The following NCOR2 variants were observed in gnomAD, a reference collection of about 807,000 sequenced individuals.
The protein encoded by NCOR2 is nuclear receptor corepressor 2.
NCOR2 carries 81 observed loss-of-function variants against 262.9 expected under a neutral mutation model. The observed-to-expected ratio is 0.31, with a 90% CI of 0.26 to 0.37. The LOEUF (loss-of-function observed/expected upper bound fraction) is 0.37, where lower values mean the gene tolerates loss of function less well. Among genes scored for constraint, NCOR2 ranks in the 10% least tolerant of loss-of-function variants. The pLI, the probability that NCOR2 is intolerant of heterozygous loss-of-function variation, is 1.00. For synonymous variants in NCOR2, 1,659 were observed against 1,559.3 expected (o/e 1.06, Z -1.51); for missense variants, 3,385 against 3,621.4 (o/e 0.93, Z 1.68).
At chr12:124,464,731 T>C (rs2046336618) in intron 5 of NCOR2, among the ~76,000 whole-genome samples, 1 of 152,160 alleles carries the variant, frequency 6.6e-6, no homozygotes, top group Non-Finnish European at 1.5e-5. Flanking sequence ...CTGTACTAGG[T>C]GATGCCGTCG....
rs1224968883 is a variant in NCOR2 at position 124,373,303 on chromosome 12, G to A, written c.2219-693C>T. Among the ~76,000 whole-genome samples, 3 of 31,014 alleles carry A rather than the reference G, an allele frequency of 9.7e-5. 1 individual carries two copies. The highest frequency in any genetic ancestry group is 3.5e-4 in the East Asian group (1 of 2,884). 20.3% of individuals were successfully genotyped at this position (31,014 alleles called of 152,430 possible). A position where few individuals can be genotyped will look rare whatever the true frequency, so the allele number is the denominator to read the frequency against. On this transcript the variant is annotated intron_variant, in intron 19 of 46. Coordinates refer to ENST00000405201, the Ensembl canonical transcript of NCOR2. ...GAGGCCAGTGCGTGTGCAGGGGCCC[G>A]GGCACAGTGGACAATCATGAGGCCA... is the stretch of plus-strand genomic sequence containing the variant.
intron 6 of NCOR2, among the ~76,000 whole-genome samples, chr12:124,455,988 G>A (rs1361682429): frequency 6.6e-6 from 1 of 152,212 alleles, no homozygotes; most frequent in Non-Finnish European, 1.5e-5. Context: ...CGATCCTCCT[G>A]CCTCAGCCTC....
At chr12:124,395,989 C>T (rs372271692) in intron 16 of NCOR2, among the ~76,000 whole-genome samples, 11 of 152,296 alleles carry the variant, frequency 7.2e-5, no homozygotes, top group South Asian at 2.1e-4. Context: ...AAATGTGGTC[C>T]GTGCAGGTGA....
chr12:124,348,644 C>A (rs956966136), intron 28 of NCOR2: 2 of 382,456 alleles, frequency 5.2e-6, no homozygotes, highest in Non-Finnish European at 4.7e-6. Flanking sequence ...TGTGTCCACA[C>A]CCACGGGTGC....
intron 13 of NCOR2, among the ~76,000 whole-genome samples, chr12:124,418,808 T>A (rs368398972): frequency 1.3e-5 from 2 of 152,132 alleles, no homozygotes; most frequent in Non-Finnish European, 2.9e-5. Flanking sequence ...GTCCCTCCAG[T>A]CCCTTTGAGG....
chr12:124,478,309 T>C lies in NCOR2; in HGVS notation c.412-5178A>G, dbSNP rs1007063543. ...AGTTATGTGAGCCAGAATTCATGTTTATATTTGATAGGGGCTGTCTGTCCC... is the reference window on the plus strand; with the variant it reads ...AGTTATGTGAGCCAGAATTCATGTTCATATTTGATAGGGGCTGTCTGTCCC... On this transcript the variant is annotated intron_variant, in intron 3 of 46. Coordinates refer to ENST00000405201, the Ensembl canonical transcript of NCOR2. 4.6e-5 allele frequency among the ~76,000 whole-genome samples: 7 copies of C among 152,348 alleles called. No homozygotes were observed. In the East Asian group the frequency reaches 5.8e-4, roughly 13 times the overall value.
At chr12:124,383,489 T>C in intron 17 of NCOR2, 3 of 929,998 alleles carry the variant, frequency 3.2e-6, no homozygotes, top group Non-Finnish European at 4.1e-6. Flanking sequence ...GGCCCAGTGC[T>C]CATACCTCCC....
chr12:124,539,763 A>G (rs546179681), upstream of NCOR2: 39 of 151,244 alleles, frequency 2.6e-4, no homozygotes, highest in Non-Finnish European at 4.9e-4. The surrounding 1 kb of genome is among the most constrained non-coding windows in gnomAD (Gnocchi z 5.1). Flanking sequence ...TTTACCCTCA[A>G]CTCTACCAAA....
intron 38 of NCOR2, chr12:124,336,161 A>G: frequency 6.2e-6 from 1 of 160,700 alleles, no homozygotes; most frequent in Non-Finnish European, 1.4e-5. Flanking sequence ...ACAGGGCAAG[A>G]TGCAAGAGCC....
chr12:124,550,496 G>T (rs1472790378), intron 1 of NCOR2, among the ~76,000 whole-genome samples: 1 of 152,156 alleles, frequency 6.6e-6, no homozygotes, highest in South Asian at 2.1e-4. Flanking sequence ...GCCACTGGCA[G>T]GGGGAGGATG....
chr12:124,513,874 A>C (rs1026709186), intron 1 of NCOR2: 2 of 152,194 alleles, frequency 1.3e-5, no homozygotes, highest in East Asian at 3.9e-4. Context: ...GAGAAAAAGC[A>C]TGAGAACTTT....
chr12:124,501,064 A>ACGCGCG (rs770038837), intron 1 of NCOR2, among the ~76,000 whole-genome samples: 1 of 13,034 alleles, frequency 7.7e-5, no homozygotes, highest in African/African-American at 2.8e-4. Context: ...GCACGCGCGC[A>ACGCGCG]CACACACACA....
At chr12:124,423,457 C>T (rs1035740765) in intron 11 of NCOR2, among the ~76,000 whole-genome samples, 3 of 152,184 alleles carry the variant, frequency 2.0e-5, no homozygotes, top group African/African-American at 4.8e-5. Context: ...GCAGGCCCCG[C>T]GCCTGCTTCC....
intron 16 of NCOR2, chr12:124,388,881 GGAGGGAGGGAGGGAGC>G (rs1342837713): frequency 1.4e-5 from 11 of 800,046 alleles, no homozygotes; most frequent in Admixed American, 7.9e-5. Flanking sequence ...AGGGAGGGAG[GGAGGGAGGGAGGGAGC>G]GAGGGAGGGA....
chr12:124,333,910 GCGGGTGTGCA>G (rs1223589966), intron 41 of NCOR2, among the ~76,000 whole-genome samples: 6 of 147,750 alleles, frequency 4.1e-5, no homozygotes, highest in African/African-American at 1.0e-4. Context: ...GCGCATGTGT[GCGGGTGTGCA>G]TGTGTGTGCG....
At chr12:124,560,200 A>T (rs10846685) in intron 1 of NCOR2, among the ~76,000 whole-genome samples, 8,668 of 152,274 alleles carry the variant, frequency 0.057, 310 homozygotes, top group Middle Eastern at 0.088. Flanking sequence ...GGATCGGCAA[A>T]TATCTTCTGC....
intron 11 of NCOR2, among the ~76,000 whole-genome samples, chr12:124,424,638 G>GCGGGTCCA (rs2043428279): frequency 6.6e-6 from 1 of 152,168 alleles, no homozygotes; most frequent in Non-Finnish European, 1.5e-5. Flanking sequence ...ATCTGCACTT[G>GCGGGTCCA]CGGGTCCACT....
chr12:124,339,412 C>T (rs866090963), intron 37 of NCOR2, among the ~76,000 whole-genome samples: 4 of 150,948 alleles, frequency 2.6e-5, no homozygotes, highest in Middle Eastern at 3.4e-3. Context: ...ACCACCCACC[C>T]ACCCACACAG....
chr12:124,501,998 CGAG>C (rs1296682279), intron 1 of NCOR2, among the ~76,000 whole-genome samples: 4 of 152,212 alleles, frequency 2.6e-5, no homozygotes, highest in African/African-American at 4.8e-5. Context: ...CTCCACGGGT[CGAG>C]CTGTTGACAC....
Sources: gnomAD v4.1 joint callset for allele counts (sites outside exome capture counted in the v4.1 genomes callset) on GRCh38, gnomAD v4.1.1 for gene constraint, Gnocchi (gnomAD v3.1) non-coding constraint, MANE v1.5 for transcripts, NCBI Gene and HGNC (gene_info 2026-07-23, HGNC 2026-07-21) for gene names.